Variants in ARHGAP9 observed in about 807,000 individuals in gnomAD.
ARHGAP9 encodes the protein rho GTPase-activating protein 9.
ARHGAP9 carries 76 observed loss-of-function variants against 87.3 expected under a neutral mutation model. The ratio of observed to expected loss-of-function variants is 0.87; its 90% CI spans 0.72 to 1.05. The LOEUF is 1.05. ARHGAP9 is among the 50% of genes least tolerant of loss of function. The pLI is 0.00. For missense variants in ARHGAP9, 941 were observed against 960.5 expected, an observed-to-expected ratio of 0.98 and a Z score of 0.27; for synonymous variants, 382 against 394.9, an observed-to-expected ratio of 0.97 and a Z score of 0.39.
intron 6 of ARHGAP9, 99 bp from the exon 7 acceptor site, chr12:57,476,750 T>C: frequency 6.4e-7 from 1 of 1,559,680 alleles, no homozygotes. Context: ...TCCCTTAAAG[T>C]TGCTGGGGGA....
chr12:57,476,051 A>C lies in ARHGAP9; in HGVS notation c.1212+20T>G. 6.6e-7 allele frequency: 1 copy of C among 1,515,604 alleles called. No individual in the cohort carries two copies. The highest frequency in any genetic ancestry group is 8.8e-7 in the Non-Finnish European group (1 of 1,132,392). The allele number at this position is 1,515,604 out of a possible 1,614,324, so 93.9% of individuals were successfully genotyped here. On this transcript the variant is annotated intron_variant, in intron 9 of 17. Transcript: ENST00000393791. ...CCTCGGGTCGGGTGGGGCCTTGGGG[A>C]CGCGCGGGAGGGCGCTCACGTGCAG...
At chr12:57,475,428 G>A in intron 11 of ARHGAP9, 30 bp from the exon 12 acceptor site, 10 of 1,577,166 alleles carry the variant, frequency 6.3e-6, no homozygotes, top group Non-Finnish European at 8.6e-6. Context: ...CGGGGCGTGA[G>A]CGCCCGGGAG....
rs375299105 is a variant in ARHGAP9 at position 57,478,323 on chromosome 12, CAG to C, written c.534+215_534+216del. The stretch of plus-strand genomic sequence containing the variant: ...CGGCTGCCTCTTTCTCCTCCTTGCT[CAG>C]AGTCAACTGAATGCCGTGACCTCAC... On this transcript the variant is annotated intron_variant, in intron 3 of 17. Coordinates refer to ENST00000393791, the MANE Select transcript of ARHGAP9 (RefSeq NM_032496.4). 8.7e-6 allele frequency: 5 copies of C among 575,234 alleles called. No homozygotes were observed. In the African/African-American group the frequency reaches 9.3e-5, roughly 11 times the overall value. The allele number at this position is 575,234 out of a possible 1,614,324, so 35.6% of individuals were successfully genotyped here.
At chr12:57,474,350 A>C in intron 15 of ARHGAP9, 73 bp downstream of exon 15, 1 of 1,590,786 alleles carries the variant, frequency 6.3e-7, no homozygotes, top group Non-Finnish European at 8.6e-7. Flanking sequence ...GGAATAGTAC[A>C]TGGGGGTTTC....
At chr12:57,479,696 A>G (rs1874800192) in intron 1 of ARHGAP9, 34 bp downstream of exon 1, 13 of 1,550,824 alleles carry the variant, frequency 8.4e-6, no homozygotes, top group Non-Finnish European at 1.1e-5. Flanking sequence ...AAATTAGAGG[A>G]GATGACCTAG....
chr12:57,478,650 T>TCCTA lies in ARHGAP9; in HGVS notation c.420_423dup (p.Ser142Ter). 4 of 1,614,150 alleles carry TCCTA rather than the reference T, an allele frequency of 2.5e-6. No individual in the cohort carries two copies. Among genetic ancestry groups the TCCTA allele is most frequent in the Non-Finnish European group, 3.4e-6 (4 of 1,180,030 alleles). On this transcript the variant is annotated stop_gained and frameshift_variant, in exon 3 of 18. Transcript: ENST00000393791. LOFTEE classifies it high-confidence loss of function. ...GGGCTCAGATTGTCAGTGCTGACGC[T>TCCTA]CCTACACATTTTGCGGGGAAGTGGA...
At chr12:57,488,581 C>A (rs757557405) in intron 1 of ARHGAP9, 2 of 1,550,962 alleles carry the variant, frequency 1.3e-6, no homozygotes, top group South Asian at 2.4e-5. Flanking sequence ...CTCTCCCCTC[C>A]TAACACACAC....
rs764001693 is a variant in ARHGAP9, at chr12:57,478,768, A to C, written c.317-11T>G. On this transcript the variant is annotated splice_polypyrimidine_tract_variant and intron_variant, in intron 2 of 17. Transcript: ENST00000393791. ...GAAACAACTTCGGCCCTGGAAACAG[A>C]AAAGGGGAGGGTGGGTGGCAGGTGA... 3 of 1,600,580 alleles carry C rather than the reference A, an allele frequency of 1.9e-6. No homozygotes were observed. The highest frequency in any genetic ancestry group is 1.7e-6 in the Non-Finnish European group (2 of 1,171,372).
In ARHGAP9 at chr12:57,477,475, C is replaced by A. The variant is rs374553966; in HGVS notation, c.740G>T (p.Arg247Leu). 2 of 1,614,040 alleles carry A rather than the reference C, an allele frequency of 1.2e-6. No individual in the cohort carries two copies. The highest frequency in any genetic ancestry group is 1.7e-6 in the Non-Finnish European group (2 of 1,179,970). ...AGGTCTCACCGTCTCGCTGCGACTG[C>A]GGCGCGGGGGCTTCCAGGACTTGCA... ...TGCKSWKPPR[R>L]SRSETNPGSM... Residue 247 changes from arginine (R) to leucine (L), a missense_variant, in exon 4 of 18, where the codon CGC becomes CTC. By Grantham distance (102) the Arg-to-Leu change is moderately radical. Coordinates refer to ENST00000393791, the MANE Select transcript of ARHGAP9 (RefSeq NM_032496.4).
chr12:57,476,531 A>G, intron 7 of ARHGAP9, 59 bp downstream of exon 7: 1 of 1,611,488 alleles, frequency 6.2e-7, no homozygotes. Flanking sequence ...CTCTTCCAAC[A>G]CCCTGCTCTA....
intron 1 of ARHGAP9, among the ~76,000 whole-genome samples, chr12:57,485,550 C>T (rs1312529876): frequency 5.1e-5 from 4 of 78,408 alleles, no homozygotes; most frequent in African/African-American, 2.0e-4. Context: ...GAGTAAGACT[C>T]CATCTGAAAA....
chr12:57,488,166 G>A (rs1054647458), intron 1 of ARHGAP9: 1 of 1,614,182 alleles, frequency 6.2e-7, no homozygotes, highest in Non-Finnish European at 8.5e-7. Context: ...CCGGGGCAGA[G>A]CAGAGGTGCT....
Position 57,475,305 on chromosome 12 carries a change from C to G in ARHGAP9, c.1538G>C (p.Arg513Pro), listed in dbSNP as rs1430734159. The G allele has an allele frequency of 1.3e-6, 2 of 1,596,346 alleles. No homozygotes were observed. The highest frequency in any genetic ancestry group is 1.7e-6 in the Non-Finnish European group (2 of 1,170,908). The change falls in exon 12 of 18, where the codon CGG becomes CCG. Residue 513 changes from arginine (R) to proline (P), a missense_variant. Coordinates refer to ENST00000393791, the MANE Select transcript of ARHGAP9 (RefSeq NM_032496.4). ...KRPPLQSLQE[R>P]GLLRDQVFGC... ...AGCCCCCTCACCTCGGAGCAGACCC[C>G]GCTCCTGCAGGCTTTGTAAGGGCGG...
intron 1 of ARHGAP9, among the ~76,000 whole-genome samples, chr12:57,486,893 A>AG (rs1049415702): frequency 4.0e-5 from 6 of 150,138 alleles, no homozygotes; most frequent in Non-Finnish European, 7.4e-5. Context: ...CTCAAAGAAA[A>AG]AAAAAAAAAA....
Position 57,488,217 on chromosome 12 carries a change from G to C in ARHGAP9, c.-204+395C>G, listed in dbSNP as rs372722438. 3.5e-4 allele frequency: 565 copies of C among 1,600,502 alleles called. 2 individuals carry two copies. Among genetic ancestry groups the C allele is most frequent in the Middle Eastern group, 1.0e-3 (6 of 5,882 alleles). ...CCCGGAAGGTACTCGTGCTGGTGCT[G>C]GTGGGCGGTGGATGGGGGGGCGGGA... On this transcript the variant is annotated intron_variant, in intron 1 of 20. Transcript: ENST00000393797.
At position 57,479,657 on chromosome 12, in the gene ARHGAP9, C is replaced by T. The variant is rs1874794189; in HGVS notation, c.-19+73G>A. 4 of 1,550,032 alleles carry T rather than the reference C, an allele frequency of 2.6e-6. No homozygotes were observed. In the East Asian group the frequency reaches 9.8e-5, roughly 38 times the overall value. ...TAAGTAACATGAGAGAGGATGTGGTCAGCAGGGCTGCATGGCCAGCAAGGC... is the reference window on the plus strand; with the variant it reads ...TAAGTAACATGAGAGAGGATGTGGTTAGCAGGGCTGCATGGCCAGCAAGGC... On this transcript the variant is annotated intron_variant, in intron 1 of 17. Transcript: ENST00000393791.
chr12:57,478,160 C>A (rs1874458469), intron 3 of ARHGAP9: 3 of 312,526 alleles, frequency 9.6e-6, no homozygotes, highest in South Asian at 7.0e-5. Flanking sequence ...CACAGAAAAA[C>A]CCTGCCCTGG....
At chr12:57,474,354 G>A (rs1366716706) in intron 15 of ARHGAP9, 69 bp downstream of exon 15, 8 of 1,597,980 alleles carry the variant, frequency 5.0e-6, no homozygotes, top group Non-Finnish European at 6.9e-6. Context: ...TAGTACATGG[G>A]GGTTTCCACG....
In ARHGAP9 at chr12:57,475,468, C is replaced by G. The variant is rs778517575; in HGVS notation, c.1444+15G>C. 183 of 1,586,488 alleles carry G rather than the reference C, an allele frequency of 1.2e-4. No homozygotes were observed. The highest frequency in any genetic ancestry group is 2.2e-5 in the Non-Finnish European group (26 of 1,167,710). ...GCTGCGCTCCCGGACTCTCCCTCCCCAGCCCGCGCCTCACTGGAGCTCCGG... is the reference window on the plus strand; with the variant it reads ...GCTGCGCTCCCGGACTCTCCCTCCCGAGCCCGCGCCTCACTGGAGCTCCGG... On this transcript the variant is annotated intron_variant, in intron 11 of 17. Transcript: ENST00000393791.
Sources: gnomAD v4.1 joint callset for allele counts (sites outside exome capture counted in the v4.1 genomes callset) on GRCh38, gnomAD v4.1.1 for gene constraint, MANE v1.5 for transcripts, NCBI Gene and HGNC (gene_info 2026-07-23, HGNC 2026-07-21) for gene names.